The following ENTREP2 variants were observed in gnomAD, a reference collection of about 807,000 sequenced individuals.
The protein encoded by ENTREP2 is protein ENTREP2.
At chr15:29,393,422 G>A in the ENTREP2 span, among the ~76,000 whole-genome samples, 1 of 152,192 alleles carries the variant, frequency 6.6e-6, no homozygotes, top group African/African-American at 2.4e-5. Flanking sequence ...CAGTGCTATG[G>A]TGGACACTCA....
the ENTREP2 span, among the ~76,000 whole-genome samples, chr15:29,344,441 T>G: frequency 2.0e-5 from 3 of 149,636 alleles, no homozygotes; most frequent in African/African-American, 7.3e-5. Flanking sequence ...AGAAAAGTAT[T>G]ACCATCTGGG....
the ENTREP2 span, among the ~76,000 whole-genome samples, chr15:29,668,982 C>G: frequency 1.3e-5 from 2 of 152,178 alleles, no homozygotes; most frequent in Non-Finnish European, 1.5e-5. Context: ...CATTTATTGC[C>G]CCTCCCCAGA....
chr15:29,392,982 A>G, the ENTREP2 span, among the ~76,000 whole-genome samples: 3 of 152,266 alleles, frequency 2.0e-5, no homozygotes, highest in Non-Finnish European at 2.9e-5. Context: ...TTCAGTGATT[A>G]TATCTCAATA....
chr15:29,592,291 G>T, the ENTREP2 span, among the ~76,000 whole-genome samples: 1 of 152,166 alleles, frequency 6.6e-6, no homozygotes, highest in East Asian at 1.9e-4. Flanking sequence ...ATAGGTCTAG[G>T]TTCAGGGAAG....
the ENTREP2 span, among the ~76,000 whole-genome samples, chr15:29,431,544 A>G: frequency 6.6e-6 from 1 of 152,080 alleles, no homozygotes; most frequent in Non-Finnish European, 1.5e-5. Context: ...CCACAAAATA[A>G]AAGTTACTTT....
the ENTREP2 span, among the ~76,000 whole-genome samples, chr15:29,651,385 G>T: frequency 6.6e-6 from 1 of 152,154 alleles, no homozygotes; most frequent in Admixed American, 6.5e-5. Context: ...TTCTGGAAAG[G>T]ATCCTAGGAA....
the ENTREP2 span, chr15:29,570,496 G>T: frequency 7.5e-7 from 1 of 1,331,744 alleles, no homozygotes; most frequent in Non-Finnish European, 9.6e-7. Flanking sequence ...CCTGGTCGCG[G>T]ACACTCACCG....
chr15:29,585,623 G>A, the ENTREP2 span, among the ~76,000 whole-genome samples: 3 of 152,138 alleles, frequency 2.0e-5, no homozygotes, highest in Non-Finnish European at 4.4e-5. Context: ...TTGGGAGGCC[G>A]AGGCCGGCAG....
At chr15:29,322,546 A>C in the ENTREP2 span, among the ~76,000 whole-genome samples, 2 of 152,230 alleles carry the variant, frequency 1.3e-5, no homozygotes, top group Non-Finnish European at 1.5e-5. Flanking sequence ...ATTAAGTTGG[A>C]AGCTGAGTCA....
the ENTREP2 span, among the ~76,000 whole-genome samples, chr15:29,565,860 C>T: frequency 6.6e-6 from 1 of 151,616 alleles, no homozygotes; most frequent in African/African-American, 2.4e-5. Flanking sequence ...ACTCGGGAGG[C>T]TGAGGCAGGA....
At chr15:29,600,930 C>CTTTT in the ENTREP2 span, among the ~76,000 whole-genome samples, 4 of 108,606 alleles carry the variant, frequency 3.7e-5, no homozygotes, top group African/African-American at 1.5e-4. Flanking sequence ...CAGAGTCTCG[C>CTTTT]TCTTTTGCCC....
the ENTREP2 span, among the ~76,000 whole-genome samples, chr15:29,316,256 A>G: frequency 6.6e-6 from 1 of 152,180 alleles, no homozygotes; most frequent in African/African-American, 2.4e-5. Flanking sequence ...ATTTAATTGT[A>G]TATCTCAAGT....
the ENTREP2 span, among the ~76,000 whole-genome samples, chr15:29,544,178 C>T: frequency 2.0e-5 from 3 of 152,072 alleles, no homozygotes; most frequent in Non-Finnish European, 4.4e-5. Context: ...AGAAGAAAGA[C>T]ATAAGAAGTT....
At chr15:29,388,058 G>A in the ENTREP2 span, among the ~76,000 whole-genome samples, 44 of 152,290 alleles carry the variant, frequency 2.9e-4, no homozygotes, top group South Asian at 1.0e-3. Context: ...CATAGGCATC[G>A]GCAAGGACTT....
chr15:29,460,007 G>A, the ENTREP2 span, among the ~76,000 whole-genome samples: 10 of 152,144 alleles, frequency 6.6e-5, no homozygotes, highest in African/African-American at 2.4e-4. Flanking sequence ...AGCATTTTTG[G>A]AGGCCAAGAC....
chr15:29,659,482 AAATAAT>A, the ENTREP2 span, among the ~76,000 whole-genome samples: 2 of 151,820 alleles, frequency 1.3e-5, no homozygotes, highest in Non-Finnish European at 2.9e-5. Context: ...AAAAAATAAA[AAATAAT>A]AATAATAATA....
chr15:29,143,286 C>T, the ENTREP2 span, among the ~76,000 whole-genome samples: 5 of 152,206 alleles, frequency 3.3e-5, no homozygotes, highest in African/African-American at 4.8e-5. Context: ...AAAATGGTTA[C>T]GGCTGGAATT....
chr15:29,234,344 C>A, the ENTREP2 span: 16 of 1,593,516 alleles, frequency 1.0e-5, no homozygotes, highest in African/African-American at 1.2e-4. Flanking sequence ...AATCTCTTGA[C>A]CATCTTCACT....
At chr15:29,144,735 AAAAC>A in the ENTREP2 span, among the ~76,000 whole-genome samples, 1 of 151,958 alleles carries the variant, frequency 6.6e-6, no homozygotes, top group African/African-American at 2.4e-5. Flanking sequence ...GTCTCAGGAA[AAAAC>A]AAACAAAAAA....
Sources: gnomAD v4.1 joint callset for allele counts (sites outside exome capture counted in the v4.1 genomes callset) on GRCh38, gnomAD v4.1.1 for gene constraint, MANE v1.5 for transcripts, NCBI Gene and HGNC (gene_info 2026-07-23, HGNC 2026-07-21) for gene names.